Variants in TGFA observed in about 807,000 individuals in gnomAD.
TGFA encodes the protein protransforming growth factor alpha.
Under a neutral mutation model 21.7 loss-of-function variants are expected in TGFA, and 12 were observed. The observed-to-expected ratio is 0.55, with a 90% CI of 0.35 to 0.90. TGFA has a LOEUF of 0.90. Among genes scored for constraint, TGFA ranks in the 40% least tolerant of loss-of-function variants. The pLI is 0.01. For missense variants in TGFA, 178 were observed against 210.8 expected (o/e 0.84, Z 0.96); for synonymous variants, 79 against 88.1 (o/e 0.90, Z 0.58).
At chr2:70,463,682 G>A (rs1020164981) in intron 3 of TGFA, among the ~76,000 whole-genome samples, 4 of 152,222 alleles carry the variant, frequency 2.6e-5, no homozygotes, top group African/African-American at 9.6e-5. Flanking sequence ...CAGTGCACAA[G>A]AGGCCCTGTA....
intron 2 of TGFA, among the ~76,000 whole-genome samples, chr2:70,466,500 AAG>A (rs1670567669): frequency 6.6e-6 from 1 of 152,152 alleles, no homozygotes. Context: ...GGGCGACAGC[AAG>A]ACTCTGTCTC....
chr2:70,550,148 T>C (rs782467073), intron 1 of TGFA, among the ~76,000 whole-genome samples: 1 of 152,280 alleles, frequency 6.6e-6, no homozygotes, highest in Non-Finnish European at 1.5e-5. Context: ...TCATTTCCTA[T>C]GACATCATTC....
At chr2:70,521,006 G>A (rs980251271) in intron 1 of TGFA, among the ~76,000 whole-genome samples, 3 of 151,738 alleles carry the variant, frequency 2.0e-5, no homozygotes, top group African/African-American at 7.3e-5. Context: ...CCATCCCCCT[G>A]CATCCCTGCT....
At chr2:70,515,011 G>T (rs1372014629) in intron 1 of TGFA, 99 bp from the exon 2 acceptor site, 53 of 1,148,782 alleles carry the variant, frequency 4.6e-5, no homozygotes, top group Non-Finnish European at 6.3e-5. Context: ...CAAAGGTTCG[G>T]TAGTTTCACA....
intron 2 of TGFA, among the ~76,000 whole-genome samples, chr2:70,466,905 C>G (rs1553492378): frequency 2.6e-5 from 4 of 152,102 alleles, no homozygotes. Context: ...AGCTGGAAGC[C>G]ATTATCCTCA....
At chr2:70,510,192 G>C (rs185196145) in intron 2 of TGFA, among the ~76,000 whole-genome samples, 23 of 152,330 alleles carry the variant, frequency 1.5e-4, no homozygotes, top group African/African-American at 5.1e-4. Flanking sequence ...TGCATGGGAG[G>C]CTCCTTGAGG....
At chr2:70,476,972 G>A (rs782285814) in intron 2 of TGFA, among the ~76,000 whole-genome samples, 6 of 152,054 alleles carry the variant, frequency 3.9e-5, no homozygotes, top group African/African-American at 7.3e-5. Context: ...GAGAGTGGTC[G>A]AATTATACGC....
intron 2 of TGFA, among the ~76,000 whole-genome samples, chr2:70,473,845 T>A (rs1439088653): frequency 6.6e-6 from 1 of 152,106 alleles, no homozygotes; most frequent in Non-Finnish European, 1.5e-5. Flanking sequence ...TCGTTGTAGT[T>A]AAGCAGTGAA....
chr2:70,469,478 G>A lies in TGFA; in HGVS notation c.95-3742C>T, dbSNP rs562718851. ...GCCTCCAGAGTAGCTGGGATTAACA[G>A]GTACATTCCACTGCACCCAGCTAAT... On this transcript the variant is annotated intron_variant, in intron 2 of 5. Coordinates refer to ENST00000295400, the MANE Select transcript of TGFA (RefSeq NM_003236.4). Among the ~76,000 whole-genome samples, 7 of 152,236 alleles carry A rather than the reference G, an allele frequency of 4.6e-5. No individual in the cohort carries two copies. In the South Asian group the frequency reaches 1.2e-3, roughly 27 times the overall value.
intron 1 of TGFA, among the ~76,000 whole-genome samples, chr2:70,528,791 A>T (rs1672720499): frequency 6.6e-6 from 1 of 152,206 alleles, no homozygotes; most frequent in African/African-American, 2.4e-5. Flanking sequence ...CTACAAGGGT[A>T]GTTTAATTCA....
At chr2:70,456,631 A>G in intron 3 of TGFA, 143 bp from the exon 4 acceptor site, 1 of 973,496 alleles carries the variant, frequency 1.0e-6, no homozygotes, top group Non-Finnish European at 1.5e-6. Flanking sequence ...TTGGAGGGAA[A>G]GGTGTCAGCA....
chr2:70,510,790 G>A (rs1672073190), intron 2 of TGFA, among the ~76,000 whole-genome samples: 1 of 152,152 alleles, frequency 6.6e-6, no homozygotes, highest in South Asian at 2.1e-4. Flanking sequence ...ATGTCAAGAA[G>A]AAAGGCCAAG....
At chr2:70,529,058 A>G (rs1553503323) in intron 1 of TGFA, among the ~76,000 whole-genome samples, 1 of 152,172 alleles carries the variant, frequency 6.6e-6, no homozygotes, top group African/African-American at 2.4e-5. Context: ...TGTTGCCAGC[A>G]CTGTTACAAC....
chr2:70,552,420 T>C (rs967339562), intron 1 of TGFA, among the ~76,000 whole-genome samples: 9 of 152,230 alleles, frequency 5.9e-5, no homozygotes, highest in Admixed American at 1.3e-4. Context: ...TTGGTAATGT[T>C]TTATTGCTTT....
intron 1 of TGFA, among the ~76,000 whole-genome samples, chr2:70,521,953 C>T (rs1485477381): frequency 1.3e-5 from 2 of 152,166 alleles, no homozygotes; most frequent in African/African-American, 4.8e-5. Context: ...TCTCTCAAGT[C>T]GGCATATCCC....
At chr2:70,479,596 C>A (rs1263373124) in intron 2 of TGFA, among the ~76,000 whole-genome samples, 1 of 151,750 alleles carries the variant, frequency 6.6e-6, no homozygotes, top group Non-Finnish European at 1.5e-5. Context: ...TTTCTTTTTT[C>A]CTTTTGGAAT....
intron 2 of TGFA, among the ~76,000 whole-genome samples, chr2:70,482,440 A>G (rs1166179545): frequency 6.6e-6 from 1 of 152,198 alleles, no homozygotes; most frequent in Non-Finnish European, 1.5e-5. Flanking sequence ...AACAGAGTAC[A>G]GTAGGAAAAC....
intron 1 of TGFA, among the ~76,000 whole-genome samples, chr2:70,519,577 G>C (rs957533892): frequency 6.6e-6 from 1 of 152,198 alleles, no homozygotes; most frequent in African/African-American, 2.4e-5. Context: ...TAGGATGAGC[G>C]TACCATGGAC....
At chr2:70,506,870 T>A (rs144335978) in intron 2 of TGFA, among the ~76,000 whole-genome samples, 10 of 152,350 alleles carry the variant, frequency 6.6e-5, no homozygotes, top group African/African-American at 2.2e-4. Context: ...ACCATAGACC[T>A]GGATGCCCAG....
Sources: gnomAD v4.1 joint callset for allele counts (sites outside exome capture counted in the v4.1 genomes callset) on GRCh38, gnomAD v4.1.1 for gene constraint, MANE v1.5 for transcripts, NCBI Gene and HGNC (gene_info 2026-07-23, HGNC 2026-07-21) for gene names.